DPF3: variants seen among roughly 807,000 people sequenced by gnomAD.
DPF3 encodes double PHD fingers 3, also known as zinc finger protein DPF3.
In DPF3, 18 loss-of-function variants were observed where a neutral mutation model predicts 56.8. The observed-to-expected ratio is 0.32, with a 90% CI of 0.22 to 0.47. The LOEUF (loss-of-function observed/expected upper bound fraction) is 0.47, where lower values mean the gene tolerates loss of function less well. Ranked by LOEUF, DPF3 falls within the 20% of genes least tolerant of loss-of-function variation. The probability of loss-of-function intolerance (pLI) is 1.00; values close to 1 mark genes in which losing one functional copy is unlikely to be tolerated. For missense variants in DPF3, 403 were observed against 488.8 expected, an observed-to-expected ratio of 0.82 and a Z score of 1.65; for synonymous variants, 188 against 180.2, an observed-to-expected ratio of 1.04 and a Z score of -0.35.
In DPF3 at chr14:72,736,748, C is replaced by A. The variant is rs1436250841; in HGVS notation, c.302-4814G>T. Among the ~76,000 whole-genome samples, 3 of 152,088 alleles carry A rather than the reference C, an allele frequency of 2.0e-5. No individual in the cohort carries two copies. In the East Asian group the frequency reaches 5.8e-4, roughly 29 times the overall value. On this transcript the variant is annotated intron_variant, in intron 3 of 10. Coordinates refer to ENST00000556509, the MANE Select transcript of DPF3 (RefSeq NM_001280542.3). ...CCAATTTTATTTGAATATGGCCCATCTGGATATAGGATTTAATAATTCTTT... is the reference window on the plus strand; with the variant it reads ...CCAATTTTATTTGAATATGGCCCATATGGATATAGGATTTAATAATTCTTT...
intron 1 of DPF3, among the ~76,000 whole-genome samples, chr14:72,809,457 C>G (rs941889638): frequency 6.6e-6 from 1 of 152,208 alleles, no homozygotes; most frequent in Non-Finnish European, 1.5e-5. Context: ...CACGGCCACA[C>G]AAGCCACCCT....
chr14:72,892,574 G>T lies in DPF3; in HGVS notation c.32+1483C>A, dbSNP rs1599531460. 4 of 1,302,670 alleles carry T rather than the reference G, an allele frequency of 3.1e-6. No individual in the cohort carries two copies. The East Asian group carries it at 9.3e-5, about 30-fold the overall frequency. The allele number at this position is 1,302,670 out of a possible 1,614,324, so 80.7% of individuals were successfully genotyped here. A position where few individuals can be genotyped will look rare whatever the true frequency, so the allele number is the denominator to read the frequency against. ...CGATTCTCCCTGTGCATTCCTTTGC[G>T]TTAGGAACCCCCTACCGTCCCCGGG... On this transcript the variant is annotated intron_variant, in intron 1 of 10. Transcript: ENST00000556509.
chr14:72,841,997 G>A (rs1884561612), intron 1 of DPF3, among the ~76,000 whole-genome samples: 1 of 151,724 alleles, frequency 6.6e-6, no homozygotes. Flanking sequence ...TGAGGTAGGA[G>A]GATCGCTTGA....
At chr14:72,727,613 T>C (rs965156532) in intron 4 of DPF3, among the ~76,000 whole-genome samples, 1 of 151,962 alleles carries the variant, frequency 6.6e-6, no homozygotes, top group Non-Finnish European at 1.5e-5. Context: ...CCTCAGGAAC[T>C]CTACTCTGAT....
At chr14:72,735,728 C>T (rs1407451181) in intron 3 of DPF3, among the ~76,000 whole-genome samples, 2 of 152,168 alleles carry the variant, frequency 1.3e-5, no homozygotes, top group African/African-American at 2.4e-5. Context: ...AGCCTTGCCA[C>T]GTATTAGTAA....
At chr14:72,622,809 TC>T (rs2153566188) in intron 9 of DPF3, among the ~76,000 whole-genome samples, 1 of 152,192 alleles carries the variant, frequency 6.6e-6, no homozygotes, top group South Asian at 2.1e-4. Context: ...CCAGGGTAAA[TC>T]CCTGACCATG....
At chr14:72,859,708 C>T (rs143916121) in intron 1 of DPF3, among the ~76,000 whole-genome samples, 24 of 152,144 alleles carry the variant, frequency 1.6e-4, no homozygotes, top group South Asian at 4.1e-4. Flanking sequence ...CCAGCAAATA[C>T]GGAGCCAGAT....
Position 72,773,260 on chromosome 14 carries a change from G to A in DPF3, c.33-1367C>T, listed in dbSNP as rs192849543. 4.1e-3 allele frequency among the ~76,000 whole-genome samples: 626 copies of A among 151,862 alleles called. 3 individuals carry two copies. Among genetic ancestry groups the A allele is most frequent in the Middle Eastern group, 0.014 (4 of 294 alleles). ...CGATTCTCCTGCCTCAGCCTCCTGAGTAGCTGGGATTATAGGTACCTGCCA... is the reference window on the plus strand; with the variant it reads ...CGATTCTCCTGCCTCAGCCTCCTGAATAGCTGGGATTATAGGTACCTGCCA... On this transcript the variant is annotated intron_variant, in intron 1 of 10. Coordinates refer to ENST00000556509, the MANE Select transcript of DPF3 (RefSeq NM_001280542.3).
At chr14:72,765,432 T>C (rs1486796861) in intron 2 of DPF3, among the ~76,000 whole-genome samples, 1 of 152,202 alleles carries the variant, frequency 6.6e-6, no homozygotes, top group Non-Finnish European at 1.5e-5. Flanking sequence ...GGAAAGCATA[T>C]GTCCATTCAA....
chr14:72,858,239 C>T (rs56031324), intron 1 of DPF3, among the ~76,000 whole-genome samples: 33,988 of 147,572 alleles, frequency 0.23, 4,986 homozygotes, highest in Non-Finnish European at 0.31. Context: ...GCCTGGGAGG[C>T]GGAGGTTGCA....
At chr14:72,651,215 G>T (rs929873824) in intron 8 of DPF3, among the ~76,000 whole-genome samples, 2 of 152,224 alleles carry the variant, frequency 1.3e-5, no homozygotes, top group African/African-American at 4.8e-5. Flanking sequence ...GCGGGCAGGG[G>T]GTCTGGAATC....
intron 1 of DPF3, among the ~76,000 whole-genome samples, chr14:72,851,336 C>G (rs943661960): frequency 1.3e-5 from 2 of 152,206 alleles, no homozygotes; most frequent in African/African-American, 4.8e-5. Context: ...GCTCTGTCCT[C>G]AAAACAAGCC....
At chr14:72,733,739 C>T (rs563398276) in intron 3 of DPF3, among the ~76,000 whole-genome samples, 1 of 152,140 alleles carries the variant, frequency 6.6e-6, no homozygotes, top group Admixed American at 6.5e-5. Context: ...GCAGCACCAC[C>T]GAGCCTGCTC....
rs550178308 is a variant in DPF3 at position 72,622,636 on chromosome 14, T to C, written c.985-2652A>G. Reference sequence around the variant, plus strand: ...AGTGCATTTTGCATGGGTTGACCACTGTCTAGCACCATATTCTCTTCTCTT... The same window carrying C: ...AGTGCATTTTGCATGGGTTGACCACCGTCTAGCACCATATTCTCTTCTCTT... On this transcript the variant is annotated intron_variant, in intron 9 of 10. Coordinates refer to ENST00000556509, the MANE Select transcript of DPF3 (RefSeq NM_001280542.3). Among the ~76,000 whole-genome samples the C allele has an allele frequency of 4.6e-5, 7 of 152,220 alleles. No individual in the cohort carries two copies. The East Asian group carries it at 1.4e-3, about 29-fold the overall frequency.
At chr14:72,802,947 G>A (rs1039063332) in intron 1 of DPF3, among the ~76,000 whole-genome samples, 2 of 152,122 alleles carry the variant, frequency 1.3e-5, no homozygotes, top group Admixed American at 1.3e-4. Context: ...TCACCCCCAT[G>A]GAGGTCCAGG....
At chr14:72,665,678 A>G (rs1350984886) in intron 8 of DPF3, among the ~76,000 whole-genome samples, 1 of 152,258 alleles carries the variant, frequency 6.6e-6, no homozygotes, top group Admixed American at 6.5e-5. Context: ...GACTTGTAAG[A>G]GGACATGGCA....
At chr14:72,875,372 A>G (rs1313116561) in intron 1 of DPF3, among the ~76,000 whole-genome samples, 2 of 152,198 alleles carry the variant, frequency 1.3e-5, no homozygotes, top group African/African-American at 4.8e-5. Context: ...GCGCCACTGC[A>G]TTCCAGCCTG....
At chr14:72,837,558 T>C (rs1421276588) in intron 1 of DPF3, among the ~76,000 whole-genome samples, 1 of 151,806 alleles carries the variant, frequency 6.6e-6, no homozygotes, top group Non-Finnish European at 1.5e-5. Flanking sequence ...GCCAACATGG[T>C]GAAACCCCAT....
At chr14:72,892,094 C>T (rs1042856901) in intron 1 of DPF3, 34 of 1,495,400 alleles carry the variant, frequency 2.3e-5, no homozygotes, top group Non-Finnish European at 2.8e-5. Flanking sequence ...CCCGCCCGCG[C>T]GAAAGCGGGC....
Sources: gnomAD v4.1 joint callset for allele counts (sites outside exome capture counted in the v4.1 genomes callset) on GRCh38, gnomAD v4.1.1 for gene constraint, MANE v1.5 for transcripts, NCBI Gene and HGNC (gene_info 2026-07-23, HGNC 2026-07-21) for gene names.